KCNIP4: variants seen among roughly 807,000 people sequenced by gnomAD.
The protein encoded by KCNIP4 is potassium voltage-gated channel interacting protein 4.
In KCNIP4, 12 loss-of-function variants were observed where a neutral mutation model predicts 34.0. The ratio of observed to expected loss-of-function variants is 0.35; its 90% CI spans 0.23 to 0.57. The LOEUF is 0.57. KCNIP4 is among the 20% of genes least tolerant of loss of function. The pLI is 0.83. For missense variants in KCNIP4, 238 were observed against 311.7 expected (o/e 0.76, Z 1.78); for synonymous variants, 124 against 102.2 (o/e 1.21, Z -1.29).
intron 1 of KCNIP4, among the ~76,000 whole-genome samples, chr4:21,472,727 G>A (rs1730574766): frequency 2.0e-5 from 3 of 152,082 alleles, no homozygotes; most frequent in African/African-American, 7.2e-5. Flanking sequence ...TCTAGGCTAT[G>A]CAGTCAGCTA....
intron 1 of KCNIP4, among the ~76,000 whole-genome samples, chr4:21,568,978 T>A (rs771379102): frequency 2.6e-5 from 4 of 151,938 alleles, no homozygotes; most frequent in Non-Finnish European, 4.4e-5. Context: ...AAATGGTCAA[T>A]AAACCACCAG....
At chr4:21,038,489 T>C (rs28742182) in intron 1 of KCNIP4, among the ~76,000 whole-genome samples, 12,952 of 152,078 alleles carry the variant, frequency 0.085, 1,703 homozygotes, top group African/African-American at 0.28. Flanking sequence ...GGCCTCCTTC[T>C]CCCACTTTCC....
At chr4:21,409,717 G>A (rs1019616858) in intron 1 of KCNIP4, among the ~76,000 whole-genome samples, 5 of 152,248 alleles carry the variant, frequency 3.3e-5, no homozygotes, top group Admixed American at 2.6e-4. Context: ...AAAAGGGGTC[G>A]ATAAAATTGT....
chr4:21,890,355 C>A (rs1727021756), intron 1 of KCNIP4, among the ~76,000 whole-genome samples: 1 of 152,126 alleles, frequency 6.6e-6, no homozygotes, highest in Admixed American at 6.6e-5. Flanking sequence ...GGAATATGCT[C>A]TAACTCTTGT....
chr4:21,930,969 T>C (rs1401700751), intron 1 of KCNIP4, among the ~76,000 whole-genome samples: 1 of 152,172 alleles, frequency 6.6e-6, no homozygotes, highest in Admixed American at 6.6e-5. Context: ...GCTTATGCCA[T>C]ATACTGAACA....
At chr4:20,942,937 G>A (rs1055408593) in intron 1 of KCNIP4, among the ~76,000 whole-genome samples, 1 of 152,116 alleles carries the variant, frequency 6.6e-6, no homozygotes, top group South Asian at 2.1e-4. Context: ...CTCTCAAAGT[G>A]CTGGGATTAC....
chr4:21,888,999 A>C (rs542875380), intron 1 of KCNIP4, among the ~76,000 whole-genome samples: 35 of 152,304 alleles, frequency 2.3e-4, no homozygotes, highest in Admixed American at 2.3e-3. Context: ...ACACAATGAC[A>C]AGTTAGCCTG....
At chr4:21,777,267 C>G (rs183356752) in intron 1 of KCNIP4, among the ~76,000 whole-genome samples, 27 of 152,274 alleles carry the variant, frequency 1.8e-4, no homozygotes, top group Admixed American at 1.6e-3. Flanking sequence ...TCAGGCAGTT[C>G]TTTATAACAG....
chr4:21,324,524 T>A (rs895612222), intron 1 of KCNIP4, among the ~76,000 whole-genome samples: 10 of 152,022 alleles, frequency 6.6e-5, no homozygotes, highest in African/African-American at 2.2e-4. Context: ...TCAATGTATG[T>A]TCTTGGCCCC....
intron 1 of KCNIP4, among the ~76,000 whole-genome samples, chr4:21,869,469 C>G (rs1378098855): frequency 6.6e-6 from 1 of 152,090 alleles, no homozygotes; most frequent in Non-Finnish European, 1.5e-5. Context: ...TCTTACTATT[C>G]ATTCTCCTCC....
intron 1 of KCNIP4, among the ~76,000 whole-genome samples, chr4:21,761,518 C>T (rs894763605): frequency 1.3e-5 from 2 of 151,704 alleles, no homozygotes; most frequent in Non-Finnish European, 2.9e-5. Flanking sequence ...ACCTCTCTCT[C>T]TTTTTTTTAC....
intron 1 of KCNIP4, among the ~76,000 whole-genome samples, chr4:20,883,899 T>C (rs974021540): frequency 2.0e-5 from 3 of 152,180 alleles, no homozygotes; most frequent in Non-Finnish European, 4.4e-5. Flanking sequence ...AAAAGCTTCA[T>C]GTTGTTTTTC....
At chr4:21,400,283 T>C (rs1449987653) in intron 1 of KCNIP4, among the ~76,000 whole-genome samples, 2 of 152,068 alleles carry the variant, frequency 1.3e-5, no homozygotes, top group African/African-American at 4.8e-5. Context: ...GGAACAAATA[T>C]AGGCAAAGAC....
chr4:21,896,526 G>C (rs1727396833), intron 1 of KCNIP4, among the ~76,000 whole-genome samples: 1 of 134,728 alleles, frequency 7.4e-6, no homozygotes. Context: ...TAAGGACAAA[G>C]GAAAATGTAA....
intron 3 of KCNIP4, among the ~76,000 whole-genome samples, chr4:20,828,777 C>T (rs1284680632): frequency 3.3e-5 from 5 of 152,222 alleles, no homozygotes; most frequent in African/African-American, 1.2e-4. Context: ...CACATCCCTA[C>T]CTCCATACCT....
intron 1 of KCNIP4, among the ~76,000 whole-genome samples, chr4:21,817,014 C>T (rs1161168062): frequency 6.6e-6 from 1 of 152,100 alleles, no homozygotes; most frequent in African/African-American, 2.4e-5. Context: ...ATAGTATGTG[C>T]TTGACAGATG....
At chr4:21,519,522 GTGTGTATGTGTATGTGTATATACACATA>G (rs1735184246) in intron 1 of KCNIP4, among the ~76,000 whole-genome samples, 1 of 104,054 alleles carries the variant, frequency 9.6e-6, no homozygotes, top group East Asian at 3.1e-4. Flanking sequence ...ATACACATAT[GTGTGTATGTGTATGTGTATATACACATA>G]TGTGTGTATG....
chr4:21,300,497 A>C (rs1578044642), intron 1 of KCNIP4, among the ~76,000 whole-genome samples: 1 of 152,202 alleles, frequency 6.6e-6, no homozygotes, highest in East Asian at 1.9e-4. Context: ...TCAAAAGAAA[A>C]TGTAATAAAT....
chr4:21,020,163 C>A (rs1739912164), intron 1 of KCNIP4, among the ~76,000 whole-genome samples: 1 of 152,154 alleles, frequency 6.6e-6, no homozygotes, highest in Admixed American at 6.5e-5. Flanking sequence ...AATGGACAAT[C>A]TTTGAAGCAC....
Sources: gnomAD v4.1 joint callset for allele counts (sites outside exome capture counted in the v4.1 genomes callset) on GRCh38, gnomAD v4.1.1 for gene constraint, MANE v1.5 for transcripts, NCBI Gene and HGNC (gene_info 2026-07-23, HGNC 2026-07-21) for gene names.